The following CAMTA1 variants were observed in gnomAD, a reference collection of about 807,000 sequenced individuals.
CAMTA1 encodes calmodulin binding transcription activator 1.
CAMTA1 carries 27 observed loss-of-function variants against 170.9 expected under a neutral mutation model. The ratio of observed to expected loss-of-function variants is 0.16; its 90% CI spans 0.12 to 0.22. The LOEUF is 0.22. CAMTA1 is among the 10% of genes least tolerant of loss of function. The pLI is 1.00. For missense variants in CAMTA1, 1,619 were observed against 2,217.2 expected, an observed-to-expected ratio of 0.73 and a Z score of 5.42; for synonymous variants, 833 against 891.5, an observed-to-expected ratio of 0.93 and a Z score of 1.17.
intron 5 of CAMTA1, among the ~76,000 whole-genome samples, chr1:7,326,014 A>G (rs1416860744): frequency 6.6e-6 from 1 of 152,110 alleles, no homozygotes; most frequent in Non-Finnish European, 1.5e-5. Flanking sequence ...GTGCGCCACC[A>G]TGCCTGGCTA....
At chr1:7,029,525 T>C (rs1702508726) in intron 3 of CAMTA1, among the ~76,000 whole-genome samples, 1 of 149,932 alleles carries the variant, frequency 6.7e-6, no homozygotes, top group African/African-American at 2.4e-5. Flanking sequence ...TCAAGGGCTC[T>C]ACTGGTCAGC....
chr1:6,883,638 A>G (rs1672264893), intron 3 of CAMTA1, among the ~76,000 whole-genome samples: 1 of 152,130 alleles, frequency 6.6e-6, no homozygotes, highest in Admixed American at 6.5e-5. Context: ...GTAAGAGGTC[A>G]TGGGGTCAGT....
At chr1:7,441,057 G>A (rs747918334) in intron 5 of CAMTA1, 1 of 152,164 alleles carries the variant, frequency 6.6e-6, no homozygotes, top group Non-Finnish European at 1.5e-5. Context: ...AACTCCTGAG[G>A]TGCCCAGCCC....
At chr1:7,284,215 T>TATC (rs1250525853) in intron 5 of CAMTA1, among the ~76,000 whole-genome samples, 34 of 146,862 alleles carry the variant, frequency 2.3e-4, no homozygotes, top group Admixed American at 4.8e-4. Flanking sequence ...TTATTATTAT[T>TATC]ATTTCTGAGA....
At chr1:7,368,010 G>A (rs948780749) in intron 5 of CAMTA1, among the ~76,000 whole-genome samples, 8 of 151,216 alleles carry the variant, frequency 5.3e-5, no homozygotes, top group African/African-American at 1.9e-4. Context: ...ACAGGCCCTG[G>A]GCACTCATGG....
In CAMTA1 at chr1:7,609,753, C is replaced by T. The variant is rs1157839797; in HGVS notation, c.511-30647C>T. ...CAGGTCACTTTGCTTCTCTGAGCCT[C>T]TCTTTCCTGTCTGCAAAGCCAGGTG... On this transcript the variant is annotated intron_variant, in intron 6 of 22. Coordinates refer to ENST00000303635, the MANE Select transcript of CAMTA1 (RefSeq NM_015215.4). This position sits in a 1 kb window ranked among gnomAD's most constrained non-coding sequence, Gnocchi z 4.4. Among the ~76,000 whole-genome samples, 2 of 152,234 alleles carry T rather than the reference C, an allele frequency of 1.3e-5. No individual in the cohort carries two copies. Among genetic ancestry groups the T allele is most frequent in the Non-Finnish European group, 2.9e-5 (2 of 68,042 alleles).
intron 3 of CAMTA1, among the ~76,000 whole-genome samples, chr1:6,912,967 C>A (rs1207314263): frequency 6.6e-6 from 1 of 152,194 alleles, no homozygotes; most frequent in South Asian, 2.1e-4. Flanking sequence ...CAGCGCCCAG[C>A]GTGGAGTTAT....
At chr1:7,240,726 G>T (rs1415415472) in intron 4 of CAMTA1, among the ~76,000 whole-genome samples, 29 of 152,000 alleles carry the variant, frequency 1.9e-4, no homozygotes, top group Non-Finnish European at 1.5e-5. Context: ...GGCTGGTCTT[G>T]AACTCATGAG....
intron 2 of CAMTA1, among the ~76,000 whole-genome samples, chr1:6,821,070 G>A: frequency 6.6e-6 from 1 of 152,154 alleles, no homozygotes; most frequent in East Asian, 1.9e-4. Context: ...GTAAATCTGG[G>A]CTACCTAAAA....
intron 11 of CAMTA1, chr1:7,694,870 G>C (rs2096358108): frequency 6.6e-6 from 1 of 152,182 alleles, no homozygotes; most frequent in Admixed American, 6.5e-5. Context: ...TGCAGACAGG[G>C]ATCTCTGAGC....
At chr1:7,729,788 G>A (rs866702509) in intron 11 of CAMTA1, among the ~76,000 whole-genome samples, 17 of 152,234 alleles carry the variant, frequency 1.1e-4, no homozygotes, top group African/African-American at 3.6e-4. Flanking sequence ...GCACAGTGAC[G>A]CAGTGGTGCC....
chr1:6,963,203 C>T, intron 3 of CAMTA1, among the ~76,000 whole-genome samples: 1 of 148,478 alleles, frequency 6.7e-6, no homozygotes, highest in African/African-American at 2.5e-5. Flanking sequence ...CTCACCCGCC[C>T]CGCCCCTTTG....
chr1:7,360,907 G>A (rs2085491163), intron 5 of CAMTA1, among the ~76,000 whole-genome samples: 2 of 152,214 alleles, frequency 1.3e-5, no homozygotes, highest in African/African-American at 4.8e-5. Context: ...GAACTTAATA[G>A]GGTCGTTTTC....
intron 5 of CAMTA1, among the ~76,000 whole-genome samples, chr1:7,364,711 T>G (rs1557594295): frequency 1.3e-5 from 2 of 151,978 alleles, no homozygotes; most frequent in Admixed American, 1.3e-4. Context: ...TTCTGGGCAG[T>G]GGGAGAGGGT....
chr1:7,400,410 G>A (rs1213961445), intron 5 of CAMTA1, among the ~76,000 whole-genome samples: 1 of 151,952 alleles, frequency 6.6e-6, no homozygotes, highest in African/African-American at 2.4e-5. Flanking sequence ...CTTTACCCAT[G>A]TTCTCTTTTA....
At chr1:7,646,026 T>C (rs1576573426) in intron 7 of CAMTA1, among the ~76,000 whole-genome samples, 1 of 151,754 alleles carries the variant, frequency 6.6e-6, no homozygotes, top group Admixed American at 6.6e-5. Flanking sequence ...GTGGAGGCCA[T>C]AGTGAGTGCA....
intron 12 of CAMTA1, among the ~76,000 whole-genome samples, chr1:7,734,937 A>G (rs909745117): frequency 2.0e-5 from 3 of 152,180 alleles, no homozygotes; most frequent in Non-Finnish European, 2.9e-5. Context: ...TATCACAGAG[A>G]CTCACATAAG....
rs1663423039 is a variant in CAMTA1 at position 7,234,435 on chromosome 1, C to A, written c.303-15056C>A. 6.6e-6 allele frequency among the ~76,000 whole-genome samples: 1 copy of A among 152,210 alleles called. No individual in the cohort carries two copies. The highest frequency in any genetic ancestry group is 2.4e-5 in the African/African-American group (1 of 41,464). On this transcript the variant is annotated intron_variant, in intron 4 of 22. Transcript: ENST00000303635. The surrounding 1 kb of genome is among the most constrained non-coding windows in gnomAD (Gnocchi z 5.0). The stretch of plus-strand genomic sequence containing the variant: ...TCCCTCCTGCAGCTCTGGGGCCTGC[C>A]CAGGGCGGGCCTCTGTGCGTCATTG...
intron 5 of CAMTA1, among the ~76,000 whole-genome samples, chr1:7,303,679 G>A (rs371433807): frequency 1.3e-5 from 2 of 152,330 alleles, no homozygotes; most frequent in South Asian, 2.1e-4. Context: ...GGGATGAGCA[G>A]ACAATAAGAA....
Sources: gnomAD v4.1 joint callset for allele counts (sites outside exome capture counted in the v4.1 genomes callset) on GRCh38, gnomAD v4.1.1 for gene constraint, Gnocchi (gnomAD v3.1) non-coding constraint, MANE v1.5 for transcripts, NCBI Gene and HGNC (gene_info 2026-07-23, HGNC 2026-07-21) for gene names.